The following MAGI2 variants were observed in gnomAD, a reference collection of about 807,000 sequenced individuals.
MAGI2 encodes the protein membrane-associated guanylate kinase, WW and PDZ domain-containing protein 2.
Under a neutral mutation model 133.3 loss-of-function variants are expected in MAGI2, and 35 were observed. That is an observed-to-expected ratio of 0.26 (90% CI 0.20 to 0.35). The LOEUF is 0.35. Ranked by LOEUF, MAGI2 falls within the 10% of genes least tolerant of loss-of-function variation. The pLI is 1.00. For synonymous variants in MAGI2, 729 were observed against 710.6 expected (o/e 1.03, Z -0.41); for missense variants, 1,636 against 1,863.4 (o/e 0.88, Z 2.25).
chr7:78,733,384 T>C (rs1409877005), intron 2 of MAGI2, among the ~76,000 whole-genome samples: 2 of 152,174 alleles, frequency 1.3e-5, no homozygotes, highest in African/African-American at 4.8e-5. Flanking sequence ...TTTGATTTTA[T>C]AATGCATGTG....
At chr7:78,617,905 C>G (rs1807280971) in intron 3 of MAGI2, 1 of 151,914 alleles carries the variant, frequency 6.6e-6, no homozygotes, top group Non-Finnish European at 1.5e-5. Context: ...AATAACAGAC[C>G]TGAGGTCAAC....
intron 21 of MAGI2, among the ~76,000 whole-genome samples, chr7:78,075,339 G>A (rs1049188347): frequency 1.3e-5 from 2 of 151,586 alleles, no homozygotes; most frequent in African/African-American, 4.9e-5. Context: ...TCCCTTGTGA[G>A]CCCAATGTGT....
chr7:78,337,882 C>T (rs1437858602), intron 9 of MAGI2, among the ~76,000 whole-genome samples: 2 of 135,494 alleles, frequency 1.5e-5, no homozygotes, highest in African/African-American at 5.9e-5. Flanking sequence ...TAAAAGCATC[C>T]ATCCAATCAC....
chr7:78,560,561 G>A (rs1418400672), intron 3 of MAGI2, among the ~76,000 whole-genome samples: 1 of 152,116 alleles, frequency 6.6e-6, no homozygotes, highest in Non-Finnish European at 1.5e-5. Flanking sequence ...TTAAAATTAT[G>A]TTTAAAAACA....
intron 1 of MAGI2, among the ~76,000 whole-genome samples, chr7:79,254,411 T>A (rs1833541918): frequency 6.6e-6 from 1 of 152,208 alleles, no homozygotes; most frequent in Admixed American, 6.5e-5. Context: ...CCTCCAAATT[T>A]ATTGAGATAC....
At chr7:78,603,952 A>T (rs1805496416) in intron 3 of MAGI2, among the ~76,000 whole-genome samples, 1 of 152,260 alleles carries the variant, frequency 6.6e-6, no homozygotes, top group Non-Finnish European at 1.5e-5. Flanking sequence ...AATAATGGTC[A>T]GAATAAGAAA....
intron 3 of MAGI2, among the ~76,000 whole-genome samples, chr7:78,605,693 G>T (rs1471082490): frequency 6.6e-6 from 1 of 152,180 alleles, no homozygotes; most frequent in Non-Finnish European, 1.5e-5. Flanking sequence ...AATCTGGAAG[G>T]AGGGCAGAAG....
intron 1 of MAGI2, among the ~76,000 whole-genome samples, chr7:79,340,341 G>A: frequency 6.6e-6 from 1 of 151,896 alleles, no homozygotes; most frequent in South Asian, 2.1e-4. Flanking sequence ...TGTGATTTTA[G>A]TTTGTTTTGT....
chr7:78,465,903 T>C (rs2151524591), intron 6 of MAGI2, among the ~76,000 whole-genome samples: 1 of 152,240 alleles, frequency 6.6e-6, no homozygotes, highest in Admixed American at 6.5e-5. Context: ...TCTATGCACT[T>C]CGGCCGTAAA....
intron 2 of MAGI2, among the ~76,000 whole-genome samples, chr7:78,872,310 C>T (rs568636353): frequency 6.6e-6 from 1 of 150,936 alleles, no homozygotes; most frequent in Admixed American, 6.6e-5. Flanking sequence ...AGCAATTTAT[C>T]AAAAGAATAA....
rs966752653 is a variant in MAGI2 at position 78,136,966 on chromosome 7, G to A, written c.2846-1760C>T. ...CTCATCATGTTGGAAACTAAAACAT[G>A]TTTTTATATACCATAAGCACTAATG... On this transcript the variant is annotated intron_variant, in intron 16 of 21. Coordinates refer to ENST00000354212, the MANE Select transcript of MAGI2 (RefSeq NM_012301.4). Among the ~76,000 whole-genome samples the A allele has an allele frequency of 3.3e-5, 5 of 151,696 alleles. No individual in the cohort carries two copies. In the East Asian group the frequency reaches 5.8e-4, roughly 17 times the overall value.
At chr7:78,279,570 A>G (rs1795357555) in intron 9 of MAGI2, among the ~76,000 whole-genome samples, 1 of 152,160 alleles carries the variant, frequency 6.6e-6, no homozygotes, top group Non-Finnish European at 1.5e-5. Context: ...CAGCTAGGAA[A>G]TAAAGAAGGG....
chr7:79,335,873 T>A (rs2129094928), intron 1 of MAGI2, among the ~76,000 whole-genome samples: 1 of 152,230 alleles, frequency 6.6e-6, no homozygotes, highest in African/African-American at 2.4e-5. Context: ...CTTTCTCTTC[T>A]GCAACACTAT....
chr7:78,022,083 C>T (rs999618726), intron 21 of MAGI2, among the ~76,000 whole-genome samples: 1 of 152,156 alleles, frequency 6.6e-6, no homozygotes, highest in East Asian at 1.9e-4. Context: ...CCTCAGGTAT[C>T]CTTGGTTACC....
At chr7:78,398,292 T>C (rs1406967684) in intron 6 of MAGI2, among the ~76,000 whole-genome samples, 1 of 152,162 alleles carries the variant, frequency 6.6e-6, no homozygotes, top group Non-Finnish European at 1.5e-5. Context: ...TCATGCGGCT[T>C]TTTTTGTCTG....
At chr7:79,259,611 A>G (rs1301932013) in intron 1 of MAGI2, among the ~76,000 whole-genome samples, 2 of 152,202 alleles carry the variant, frequency 1.3e-5, no homozygotes, top group African/African-American at 2.4e-5. Context: ...TTTAGTACCA[A>G]ATAATCAAGA....
intron 2 of MAGI2, among the ~76,000 whole-genome samples, chr7:78,861,891 T>C (rs1380327182): frequency 6.6e-6 from 1 of 152,248 alleles, no homozygotes; most frequent in East Asian, 1.9e-4. Flanking sequence ...TTCATCTGTT[T>C]ATTCTTAGAA....
At chr7:78,372,549 TGA>T (rs1794027208) in intron 6 of MAGI2, among the ~76,000 whole-genome samples, 2 of 152,090 alleles carry the variant, frequency 1.3e-5, no homozygotes, top group Non-Finnish European at 2.9e-5. Context: ...ATAACATACA[TGA>T]TGCAACAGGA....
intron 3 of MAGI2, among the ~76,000 whole-genome samples, chr7:78,565,921 C>T (rs1276101138): frequency 2.0e-5 from 3 of 152,038 alleles, no homozygotes; most frequent in Admixed American, 6.6e-5. Flanking sequence ...TTCTGGGGTG[C>T]GGGTAGATCA....
Sources: allele counts gnomAD v4.1 joint callset (sites outside exome capture counted in the v4.1 genomes callset), GRCh38; gene constraint gnomAD v4.1.1; transcripts MANE v1.5; gene names NCBI Gene and HGNC (gene_info 2026-07-23, HGNC 2026-07-21).